The following DEFB124 variants were observed in gnomAD, a reference collection of about 807,000 sequenced individuals.
DEFB124 encodes the protein beta-defensin 124.
For synonymous variants in DEFB124, 38 were observed against 36.5 expected, an observed-to-expected ratio of 1.04 and a Z score of -0.15; for missense variants, 78 against 83.1, an observed-to-expected ratio of 0.94 and a Z score of 0.24.
intron 2 of DEFB124, 157 bp downstream of exon 2, chr20:31,472,799 C>T (rs1980370609): frequency 2.7e-6 from 2 of 750,122 alleles, no homozygotes; most frequent in African/African-American, 1.8e-5. Context: ...GCTGATTTAG[C>T]AACTTGCTCT....
At position 31,469,603 on chromosome 20, in the gene DEFB124, C is replaced by T. The variant is rs554694947; in HGVS notation, c.58+3353G>A. ...AGGCAGAGGACCCTGCGGCCTTCAG[C>T]AGTGTTTGTGTCCCTGGGTACTTGA... On this transcript the variant is annotated intron_variant, in intron 2 of 2. Coordinates refer to ENST00000317676, the MANE Select transcript of DEFB124 (RefSeq NM_001037500.2). Among the ~76,000 whole-genome samples, 25 of 151,066 alleles carry T rather than the reference C, an allele frequency of 1.7e-4. No homozygotes were observed. In the South Asian group the frequency reaches 3.2e-3, roughly 19 times the overall value.
At chr20:31,467,704 T>G (rs1980116097) in intron 2 of DEFB124, among the ~76,000 whole-genome samples, 4 of 152,024 alleles carry the variant, frequency 2.6e-5, no homozygotes, top group Admixed American at 2.6e-4. Context: ...AAGTGGTGGG[T>G]CTGGAACCGG....
At chr20:31,465,730 G>A in intron 2 of DEFB124, 67 bp from the exon 3 acceptor site, 6 of 1,566,992 alleles carry the variant, frequency 3.8e-6, no homozygotes, top group Non-Finnish European at 5.2e-6. Flanking sequence ...CTGGTCACAA[G>A]TTAGGCCACA....
intron 2 of DEFB124, among the ~76,000 whole-genome samples, chr20:31,469,042 A>C (rs1000200096): frequency 6.6e-6 from 1 of 152,234 alleles, no homozygotes; most frequent in Non-Finnish European, 1.5e-5. Flanking sequence ...CATAATAAAA[A>C]TGTTTAAAAC....
chr20:31,473,063 C>T, intron 1 of DEFB124, 25 bp from the exon 2 acceptor site: 2 of 1,603,316 alleles, frequency 1.2e-6, no homozygotes, highest in Non-Finnish European at 1.7e-6. Flanking sequence ...AGAGGAAAGA[C>T]CCGAGCAGGC....
chr20:31,471,803 TGGGC>T (rs2122455989), intron 2 of DEFB124, among the ~76,000 whole-genome samples: 1 of 93,410 alleles, frequency 1.1e-5, no homozygotes, highest in South Asian at 4.0e-4. Context: ...TCTCAGACGA[TGGGC>T]GGCCGGGCAG....
intron 2 of DEFB124, among the ~76,000 whole-genome samples, chr20:31,470,106 A>G (rs75905364): frequency 3.8e-3 from 268 of 70,744 alleles, no homozygotes; most frequent in South Asian, 4.6e-3. Context: ...TCCCGGACGG[A>G]GCGGCTGGCC....
intron 2 of DEFB124, among the ~76,000 whole-genome samples, chr20:31,466,342 G>A (rs1033909317): frequency 3.9e-5 from 6 of 151,914 alleles, no homozygotes; most frequent in Non-Finnish European, 8.8e-5. Context: ...GCTCACGCCT[G>A]TAATCTCAGC....
At chr20:31,474,037 G>A (rs529453280) in intron 1 of DEFB124, among the ~76,000 whole-genome samples, 1 of 152,352 alleles carries the variant, frequency 6.6e-6, no homozygotes, top group South Asian at 2.1e-4. Flanking sequence ...AGCCAAGCAA[G>A]GGTTTTCCTG....
Position 31,472,988 on chromosome 20 carries a change from A to T in DEFB124, c.26T>A (p.Val9Glu). The change falls in exon 2 of 3, where the codon GTG becomes GAG. Residue 9 changes from valine (V) to glutamate (E), a missense_variant. Physicochemically the swap from Val to Glu is moderately radical, Grantham distance 121. Coordinates refer to ENST00000317676, the MANE Select transcript of DEFB124 (RefSeq NM_001037500.2). ...CACATGACCCAGAACCAGGAGAGCCACAAGGAACAGAAGCAGCTGTGTCAT... is the reference window on the plus strand; with the variant it reads ...CACATGACCCAGAACCAGGAGAGCCTCAAGGAACAGAAGCAGCTGTGTCAT... Reference protein sequence around the residue: MTQLLLFLVALLVLGHVPS... With the variant: MTQLLLFLEALLVLGHVPS... 1 of 1,614,146 alleles carries T rather than the reference A, an allele frequency of 6.2e-7. No homozygotes were observed. The highest frequency in any genetic ancestry group is 8.5e-7 in the Non-Finnish European group (1 of 1,180,028).
At chr20:31,472,528 C>G (rs1245132196) in intron 2 of DEFB124, 2 of 159,650 alleles carry the variant, frequency 1.3e-5, no homozygotes, top group African/African-American at 4.8e-5. Flanking sequence ...CATCAGCCTT[C>G]CCATCCCCAC....
Position 31,467,467 on chromosome 20 carries a change from T to C in DEFB124, c.59-1804A>G, listed in dbSNP as rs748879367. On this transcript the variant is annotated intron_variant, in intron 2 of 2. Coordinates refer to ENST00000317676, the MANE Select transcript of DEFB124 (RefSeq NM_001037500.2). ...CAAATCCCAGCTCAGTCATTTCCCA[T>C]TGAGTGACCTTGGCCTCAGTTCCTC... is the stretch of plus-strand genomic sequence containing the variant. Among the ~76,000 whole-genome samples, 3 of 152,200 alleles carry C rather than the reference T, an allele frequency of 2.0e-5. No homozygotes were observed. In the East Asian group the frequency reaches 5.8e-4, roughly 29 times the overall value.
chr20:31,466,782 A>T (rs1489460839), intron 2 of DEFB124, among the ~76,000 whole-genome samples: 1 of 151,856 alleles, frequency 6.6e-6, no homozygotes, highest in East Asian at 1.9e-4. Flanking sequence ...AACATGGGCA[A>T]TGGAAAAGGC....
chr20:31,471,698 G>C, intron 2 of DEFB124, among the ~76,000 whole-genome samples: 1 of 149,124 alleles, frequency 6.7e-6, no homozygotes, highest in South Asian at 2.1e-4. Flanking sequence ...GGGCGGCTGG[G>C]CAGAGACGCT....
At chr20:31,466,210 C>T (rs1181031853) in intron 2 of DEFB124, among the ~76,000 whole-genome samples, 1 of 152,154 alleles carries the variant, frequency 6.6e-6, no homozygotes, top group Non-Finnish European at 1.5e-5. Flanking sequence ...ACACCAGGTA[C>T]ACATAAGCAC....
rs566378044 is a variant in DEFB124, at chr20:31,475,032, G to A, written c.-431C>T. ...CATCCCCTTGATGGAGTGGACAGAT[G>A]TGGACGCAGATGGAGCTCCAGACCC... On this transcript the variant is annotated 5_prime_UTR_variant, in exon 1 of 3. Coordinates refer to ENST00000317676, the MANE Select transcript of DEFB124 (RefSeq NM_001037500.2). The surrounding 1 kb of genome is among the most constrained non-coding windows in gnomAD (Gnocchi z 5.0). Among the ~76,000 whole-genome samples the A allele has an allele frequency of 1.6e-3, 247 of 152,374 alleles. No homozygotes were observed. Among genetic ancestry groups the A allele is most frequent in the Non-Finnish European group, 2.9e-3 (195 of 68,040 alleles).
At chr20:31,467,691 A>G (rs1980115928) in intron 2 of DEFB124, among the ~76,000 whole-genome samples, 1 of 152,186 alleles carries the variant, frequency 6.6e-6, no homozygotes, top group African/African-American at 2.4e-5. Flanking sequence ...TCCCATAGCC[A>G]CTAAGTGGTG....
At chr20:31,466,623 A>ATATATATATATATATATATATAT (rs1274120880) in intron 2 of DEFB124, among the ~76,000 whole-genome samples, 17 of 147,936 alleles carry the variant, frequency 1.1e-4, no homozygotes, top group African/African-American at 2.8e-4. Context: ...ATATATATAT[A>ATATATATATATATATATATATAT]AAACCTTATC....
intron 2 of DEFB124, among the ~76,000 whole-genome samples, chr20:31,469,864 G>C (rs1034225108): frequency 6.7e-6 from 1 of 148,536 alleles, no homozygotes; most frequent in Admixed American, 6.7e-5. Flanking sequence ...ACACAGACAC[G>C]GCAACCATCC....
Sources: gnomAD v4.1 joint callset for allele counts (sites outside exome capture counted in the v4.1 genomes callset) on GRCh38, gnomAD v4.1.1 for gene constraint, Gnocchi (gnomAD v3.1) non-coding constraint, MANE v1.5 for transcripts, NCBI Gene and HGNC (gene_info 2026-07-23, HGNC 2026-07-21) for gene names.